Variants in PSMA2 observed in about 807,000 individuals in gnomAD.
The protein encoded by PSMA2 is proteasome 20S subunit alpha 2.
In PSMA2, 2 loss-of-function variants were observed where a neutral mutation model predicts 35.9. That is an observed-to-expected ratio of 0.06 (90% confidence interval 0.02 to 0.18). The LOEUF (loss-of-function observed/expected upper bound fraction) is 0.18, where lower values mean the gene tolerates loss of function less well. Ranked by LOEUF, PSMA2 falls within the 10% of genes least tolerant of loss-of-function variation. The probability of loss-of-function intolerance (pLI) is 1.00; values close to 1 mark genes in which losing one functional copy is unlikely to be tolerated. For missense variants in PSMA2, 126 were observed against 278.8 expected, an observed-to-expected ratio of 0.45 and a Z score of 3.90; for synonymous variants, 97 against 98.2, an observed-to-expected ratio of 0.99 and a Z score of 0.07.
At chr7:42,931,607 GA>G (rs773021693) in intron 1 of PSMA2, among the ~76,000 whole-genome samples, 138 of 152,190 alleles carry the variant, frequency 9.1e-4, no homozygotes, top group Admixed American at 2.1e-3. Flanking sequence ...GTGCATCGAA[GA>G]AACCGAAAGC....
At chr7:42,919,293 A>C (rs942377587) in intron 6 of PSMA2, 3 of 611,252 alleles carry the variant, frequency 4.9e-6, no homozygotes, top group South Asian at 2.8e-5. Flanking sequence ...CAGATTTCAC[A>C]AAGTGTGGGA....
intron 1 of PSMA2, among the ~76,000 whole-genome samples, chr7:42,930,748 C>A (rs1786292001): frequency 6.6e-6 from 1 of 151,736 alleles, no homozygotes; most frequent in African/African-American, 2.4e-5. Flanking sequence ...CACCTCTAGT[C>A]CCAGCTACTC....
At chr7:42,924,186 A>T (rs1786169173) in intron 4 of PSMA2, among the ~76,000 whole-genome samples, 1 of 45,564 alleles carries the variant, frequency 2.2e-5, no homozygotes, top group East Asian at 1.1e-3. Flanking sequence ...TCTACCAAAA[A>T]AATACAAAAA....
intron 6 of PSMA2, chr7:42,920,453 C>G (rs1029949754): frequency 6.6e-6 from 1 of 152,480 alleles, no homozygotes; most frequent in Non-Finnish European, 1.5e-5. Flanking sequence ...TCCCTTAAAG[C>G]AGAATGTCTT....
intron 2 of PSMA2, 70 bp from the exon 3 acceptor site, chr7:42,926,738 G>A: frequency 6.9e-7 from 1 of 1,449,292 alleles, no homozygotes; most frequent in Non-Finnish European, 9.1e-7. Context: ...TTCTAATTAT[G>A]GATGCGCTAA....
chr7:42,927,124 A>G (rs1786227816), intron 2 of PSMA2, among the ~76,000 whole-genome samples: 2 of 41,332 alleles, frequency 4.8e-5, no homozygotes, highest in Admixed American at 4.2e-4. Context: ...TGGAAAAACA[A>G]AAAAAGAACT....
intron 6 of PSMA2, chr7:42,919,412 G>A: frequency 1.8e-6 from 1 of 558,518 alleles, no homozygotes; most frequent in East Asian, 4.7e-5. Flanking sequence ...AGAATAAACT[G>A]TTTTGCATAT....
intron 1 of PSMA2, among the ~76,000 whole-genome samples, chr7:42,928,241 G>T (rs1319532908): frequency 6.6e-6 from 1 of 152,192 alleles, no homozygotes; most frequent in Non-Finnish European, 1.5e-5. Context: ...TTGTGATTAA[G>T]TGAAGTAATT....
intron 2 of PSMA2, 47 bp downstream of exon 2, chr7:42,927,336 A>C: frequency 6.7e-7 from 1 of 1,488,396 alleles, no homozygotes; most frequent in Middle Eastern, 1.7e-4. Flanking sequence ...CAAAATAATT[A>C]GGATAACTAC....
Position 42,919,994 on chromosome 7 carries a change from C to T in PSMA2, c.530+1864G>A, listed in dbSNP as rs977050601. On this transcript the variant is annotated intron_variant, in intron 6 of 7. Transcript: ENST00000223321. ...GAAGATACTGGTGAGCTGGCAAAGC[C>T]AAAGATTGGTTTTCCAAAGACAAGA... 7 of 726,944 alleles carry T rather than the reference C, an allele frequency of 9.6e-6. No homozygotes were observed. The African/African-American group carries it at 1.2e-4, about 13-fold the overall frequency. The allele number at this position is 726,944 out of a possible 1,614,324, so 45.0% of individuals were successfully genotyped here. A position where few individuals can be genotyped will look rare whatever the true frequency, so the allele number is the denominator to read the frequency against.
At chr7:42,931,987 C>G in intron 1 of PSMA2, 131 bp downstream of exon 1, 1 of 1,230,068 alleles carries the variant, frequency 8.1e-7, no homozygotes, top group Non-Finnish European at 1.2e-6. Flanking sequence ...CTTTGCAAAG[C>G]CGCATTTCCA....
At chr7:42,921,989 G>T in intron 5 of PSMA2, 58 bp from the exon 6 acceptor site, 2 of 1,290,968 alleles carry the variant, frequency 1.5e-6, no homozygotes, top group Non-Finnish European at 2.2e-6. Context: ...CAATTATATT[G>T]CCCTGCCATT....
chr7:42,920,124 T>C, intron 6 of PSMA2: 1 of 453,102 alleles, frequency 2.2e-6, no homozygotes, highest in Non-Finnish European at 4.1e-6. Flanking sequence ...AGCATACAAC[T>C]GGACTAGAAC....
At chr7:42,929,128 C>A (rs528161192) in intron 1 of PSMA2, among the ~76,000 whole-genome samples, 23 of 152,152 alleles carry the variant, frequency 1.5e-4, no homozygotes, top group Non-Finnish European at 2.9e-4. Context: ...AGTCAGGATT[C>A]CAGCACATAA....
intron 6 of PSMA2, chr7:42,919,741 C>G (rs921574301): frequency 1.3e-5 from 8 of 613,484 alleles, no homozygotes; most frequent in Non-Finnish European, 2.4e-5. Flanking sequence ...ATCTCTTCAC[C>G]TTGAGAAAGA....
intron 1 of PSMA2, among the ~76,000 whole-genome samples, chr7:42,928,972 C>T (rs145225401): frequency 5.3e-5 from 8 of 152,186 alleles, no homozygotes; most frequent in African/African-American, 1.7e-4. Flanking sequence ...TTCATCATAT[C>T]TGAATTGTTA....
intron 1 of PSMA2, among the ~76,000 whole-genome samples, chr7:42,929,241 A>C (rs1583609544): frequency 6.6e-6 from 1 of 152,220 alleles, no homozygotes; most frequent in Non-Finnish European, 1.5e-5. Flanking sequence ...TGATATAATT[A>C]ATTTGAGCAG....
At chr7:42,926,886 T>C (rs1313869037) in intron 2 of PSMA2, among the ~76,000 whole-genome samples, 1 of 152,198 alleles carries the variant, frequency 6.6e-6, no homozygotes, top group African/African-American at 2.4e-5. Flanking sequence ...TCCCTACAGC[T>C]AAAGGTATTA....
rs1325773406 is a variant in PSMA2 at position 42,927,556 on chromosome 7, T to C, written c.42-97A>G. On this transcript the variant is annotated intron_variant, in intron 1 of 7. Transcript: ENST00000223321. ...GTACAGACATACAGGTCAAATCCAA[T>C]TTATCCAACTCCAGGGAGTAACTGG... The C allele has an allele frequency of 2.5e-6, 3 of 1,178,832 alleles. No individual in the cohort carries two copies. In the Admixed American group the frequency reaches 5.5e-5, roughly 21 times the overall value. The allele number at this position is 1,178,832 out of a possible 1,614,324, so 73.0% of individuals were successfully genotyped here. A position where few individuals can be genotyped will look rare whatever the true frequency, so the allele number is the denominator to read the frequency against.
Sources: gnomAD v4.1 joint callset for allele counts (sites outside exome capture counted in the v4.1 genomes callset) on GRCh38, gnomAD v4.1.1 for gene constraint, MANE v1.5 for transcripts, NCBI Gene and HGNC (gene_info 2026-07-23, HGNC 2026-07-21) for gene names.